Variants in TCF7L2 observed in about 807,000 individuals in gnomAD.
TCF7L2 encodes the protein transcription factor 7-like 2.
TCF7L2 carries 23 observed loss-of-function variants against 77.9 expected under a neutral mutation model. The observed-to-expected ratio is 0.30, with a 90% confidence interval of 0.21 to 0.42. The LOEUF is 0.42. Among genes scored for constraint, TCF7L2 ranks in the 10% least tolerant of loss-of-function variants. TCF7L2 has a pLI of 1.00. For missense variants in TCF7L2, 654 were observed against 793.1 expected, an observed-to-expected ratio of 0.82 and a Z score of 2.11; for synonymous variants, 413 against 340.2, an observed-to-expected ratio of 1.21 and a Z score of -2.36.
At chr10:113,116,523 G>T (rs1286900471) in intron 5 of TCF7L2, among the ~76,000 whole-genome samples, 1 of 152,218 alleles carries the variant, frequency 6.6e-6, no homozygotes, top group Admixed American at 6.5e-5. Flanking sequence ...AGGAGTCTAT[G>T]TAAATAAAAT....
intron 5 of TCF7L2, among the ~76,000 whole-genome samples, chr10:113,067,893 C>T (rs192057720): frequency 5.5e-5 from 8 of 144,812 alleles, no homozygotes; most frequent in Non-Finnish European, 1.2e-4. Context: ...GGCTAGAGTA[C>T]AAAATGGAAA....
At chr10:113,101,560 G>A (rs1162798317) in intron 5 of TCF7L2, among the ~76,000 whole-genome samples, 1 of 151,364 alleles carries the variant, frequency 6.6e-6, no homozygotes, top group Non-Finnish European at 1.5e-5. Flanking sequence ...AAGAAGAGAG[G>A]GGCTGGGCGC....
In TCF7L2 at chr10:112,967,657, G is replaced by A. The variant is rs150094922; in HGVS notation, c.450+3033G>A. Among the ~76,000 whole-genome samples the A allele has an allele frequency of 2.9e-4, 42 of 145,096 alleles. 1 individual carries two copies. The South Asian group carries it at 6.5e-3, about 22-fold the overall frequency. ...AAAGTTTTTTTTTTTTTTTTGAGAC[G>A]GAGTTTCGCTCTTTGTTGCCCAGGC... On this transcript the variant is annotated intron_variant, in intron 4 of 13. Transcript: ENST00000627217.
intron 8 of TCF7L2, among the ~76,000 whole-genome samples, chr10:113,146,533 C>T (rs1237037051): frequency 2.0e-5 from 3 of 151,698 alleles, no homozygotes; most frequent in Admixed American, 6.6e-5. Context: ...CTCCTCCCCT[C>T]GAAGGTAGCA....
chr10:113,110,369 GTTT>G lies in TCF7L2; in HGVS notation c.553-30796_553-30794del, dbSNP rs55993335. The stretch of plus-strand genomic sequence containing the variant: ...GAAATGTTTGAGATTGTCTACTGGG[GTTT>G]TTTTTTTTTTTTTTTTTTACGAATT... On this transcript the variant is annotated intron_variant, in intron 5 of 13. Coordinates refer to ENST00000627217, the MANE Select transcript of TCF7L2 (RefSeq NM_001146274.2). 2.1e-3 allele frequency among the ~76,000 whole-genome samples: 260 copies of G among 126,414 alleles called. 1 individual carries two copies. The highest frequency in any genetic ancestry group is 4.1e-3 in the Middle Eastern group (1 of 246). 82.9% of individuals were successfully genotyped at this position (126,414 alleles called of 152,430 possible).
intron 4 of TCF7L2, among the ~76,000 whole-genome samples, chr10:113,016,405 G>C (rs2047349510): frequency 6.6e-6 from 1 of 152,154 alleles, no homozygotes; most frequent in South Asian, 2.1e-4. Context: ...AATGATATCT[G>C]GGGAATCAGC....
intron 4 of TCF7L2, among the ~76,000 whole-genome samples, chr10:113,038,932 TGAG>T (rs1056667914): frequency 6.6e-6 from 1 of 152,218 alleles, no homozygotes; most frequent in Non-Finnish European, 1.5e-5. Flanking sequence ...TTATTTTGCT[TGAG>T]GAGGTCTCCG....
rs931017510 is a variant in TCF7L2, at chr10:113,166,447, G to A, written c.*475G>A. 25 of 165,144 alleles carry A rather than the reference G, an allele frequency of 1.5e-4. No homozygotes were observed. Among genetic ancestry groups the A allele is most frequent in the East Asian group, 1.4e-3 (18 of 12,446 alleles). The allele number at this position is 165,144 out of a possible 1,614,324, so 10.2% of individuals were successfully genotyped here. ...GTAAGGGCACCATGAATGCAGTGCC[G>A]TTACTTTTTTTTTTTTTTTCTGTGT... is the stretch of plus-strand genomic sequence containing the variant. On this transcript the variant is annotated 3_prime_UTR_variant, in exon 14 of 14. Transcript: ENST00000627217.
At chr10:113,160,476 C>G in intron 12 of TCF7L2, 1 of 560,736 alleles carries the variant, frequency 1.8e-6, no homozygotes, top group Non-Finnish European at 2.9e-6. Flanking sequence ...GAAGTCCTTT[C>G]CTTTCATGTC....
intron 5 of TCF7L2, among the ~76,000 whole-genome samples, chr10:113,055,476 C>G (rs536611617): frequency 6.6e-6 from 1 of 152,290 alleles, no homozygotes; most frequent in Admixed American, 6.5e-5. Context: ...TTTATAGGAA[C>G]TCTTTATATA....
intron 5 of TCF7L2, among the ~76,000 whole-genome samples, chr10:113,077,443 T>C (rs1056865577): frequency 6.6e-6 from 1 of 152,154 alleles, no homozygotes; most frequent in Non-Finnish European, 1.5e-5. Context: ...GTAGAACATT[T>C]TCCTCACCCC....
At chr10:113,069,783 A>G (rs2057719828) in intron 5 of TCF7L2, among the ~76,000 whole-genome samples, 1 of 152,118 alleles carries the variant, frequency 6.6e-6, no homozygotes, top group African/African-American at 2.4e-5. Flanking sequence ...TCTGCTTGGT[A>G]CAGTTGAGAT....
chr10:113,089,408 C>T (rs1258300070), intron 5 of TCF7L2: 3 of 1,613,630 alleles, frequency 1.9e-6, no homozygotes, highest in Non-Finnish European at 1.7e-6. Flanking sequence ...AGAGCCCCCT[C>T]CCTTGCTGCA....
At chr10:113,140,925 G>A (rs1008801179) in intron 5 of TCF7L2, among the ~76,000 whole-genome samples, 8 of 152,162 alleles carry the variant, frequency 5.3e-5, no homozygotes, top group African/African-American at 1.9e-4. Context: ...TCCATAATGG[G>A]GTAGGGGTTG....
rs151137175 is a variant in TCF7L2 at position 112,981,714 on chromosome 10, T to C, written c.450+17090T>C. Among the ~76,000 whole-genome samples, 157 of 152,318 alleles carry C rather than the reference T, an allele frequency of 1.0e-3. 1 individual carries two copies. The highest frequency in any genetic ancestry group is 1.9e-3 in the Non-Finnish European group (129 of 68,020). Reference sequence around the variant, plus strand: ...CCACATGCCACATGCAAAGCAGATATGGTTTTGATTTCGGCCTCAGTGGTT... The same window carrying C: ...CCACATGCCACATGCAAAGCAGATACGGTTTTGATTTCGGCCTCAGTGGTT... On this transcript the variant is annotated intron_variant, in intron 4 of 13. Transcript: ENST00000627217.
chr10:113,156,302 G>A (rs2071880400), intron 11 of TCF7L2, among the ~76,000 whole-genome samples: 1 of 152,114 alleles, frequency 6.6e-6, no homozygotes, highest in South Asian at 2.1e-4. Context: ...TTTTAGTAGA[G>A]ATGGGGTTTC....
At chr10:113,155,403 AG>A (rs1340977854) in intron 11 of TCF7L2, among the ~76,000 whole-genome samples, 2 of 152,144 alleles carry the variant, frequency 1.3e-5, no homozygotes, top group East Asian at 3.9e-4. Flanking sequence ...TTAAAGGGGT[AG>A]TAGCGTGGCC....
intron 8 of TCF7L2, 49 bp downstream of exon 8, chr10:113,146,146 C>T (rs369802592): frequency 8.6e-5 from 136 of 1,577,614 alleles, no homozygotes; most frequent in Non-Finnish European, 1.2e-4. Context: ...TGTGACTTCT[C>T]AAGAAGTTCT....
At chr10:112,999,938 G>C (rs1255389354) in intron 4 of TCF7L2, among the ~76,000 whole-genome samples, 1 of 152,192 alleles carries the variant, frequency 6.6e-6, no homozygotes, top group African/African-American at 2.4e-5. Flanking sequence ...TTTCTCATCT[G>C]TAAAATGAAT....
Sources: allele counts gnomAD v4.1 joint callset (sites outside exome capture counted in the v4.1 genomes callset), GRCh38; gene constraint gnomAD v4.1.1; transcripts MANE v1.5; gene names NCBI Gene and HGNC (gene_info 2026-07-23, HGNC 2026-07-21).